Variants in ACSL1 observed in about 807,000 individuals in gnomAD.
The protein encoded by ACSL1 is long-chain-fatty-acid--CoA ligase 1.
In ACSL1, 41 loss-of-function variants were observed where a neutral mutation model predicts 98.4. The ratio of observed to expected loss-of-function variants is 0.42; its 90% CI spans 0.32 to 0.54. The LOEUF is 0.54. Among genes scored for constraint, ACSL1 ranks in the 20% least tolerant of loss-of-function variants. ACSL1 has a pLI of 0.13. For synonymous variants in ACSL1, 316 were observed against 322.7 expected (o/e 0.98, Z 0.22); for missense variants, 734 against 883.1 (o/e 0.83, Z 2.14).
At chr4:184,767,804 C>T (rs1027228330) in intron 12 of ACSL1, among the ~76,000 whole-genome samples, 27 of 152,336 alleles carry the variant, frequency 1.8e-4, no homozygotes, top group African/African-American at 6.5e-4. Context: ...GTGCGGTCCA[C>T]GCAATGATAC....
chr4:184,815,495 G>C lies in ACSL1; in HGVS notation c.-33+10421C>G, dbSNP rs114240391. Among the ~76,000 whole-genome samples the C allele has an allele frequency of 2.8e-3, 430 of 152,224 alleles. 3 individuals carry two copies. Among genetic ancestry groups the C allele is most frequent in the African/African-American group, 9.8e-3 (406 of 41,532 alleles). On this transcript the variant is annotated intron_variant, in intron 1 of 20. Transcript: ENST00000281455. Reference sequence around the variant, plus strand: ...CCCCTCCAGGACCCAGGCCTGGGGGGGGAAACTGGGAAGAGTAAGACCCAG... The same window carrying C: ...CCCCTCCAGGACCCAGGCCTGGGGGCGGAAACTGGGAAGAGTAAGACCCAG...
rs1476765083 is a variant in ACSL1, at chr4:184,772,119, C to T, written c.915+962G>A. On this transcript the variant is annotated intron_variant, in intron 10 of 20. Transcript: ENST00000281455. Reference sequence around the variant, plus strand: ...AACAAAGTTCTGTAATCATTTGCCTCAATGAGCCACCAATGCATTTTAAGT... The same window carrying T: ...AACAAAGTTCTGTAATCATTTGCCTTAATGAGCCACCAATGCATTTTAAGT... 4.6e-5 allele frequency among the ~76,000 whole-genome samples: 7 copies of T among 152,190 alleles called. 1 individual carries two copies. Among genetic ancestry groups the T allele is most frequent in the Admixed American group, 4.6e-4 (7 of 15,282 alleles).
rs1286415878 is a variant in ACSL1, at chr4:184,792,383, G to C, written c.196-3652C>G. On this transcript the variant is annotated intron_variant, in intron 2 of 20. Coordinates refer to ENST00000281455, the MANE Select transcript of ACSL1 (RefSeq NM_001995.5). The stretch of plus-strand genomic sequence containing the variant: ...GAAGGGGAAGGGCACAAAACATTAG[G>C]ATCTGTGCTTCAAAATCTGTGGCTC... Among the ~76,000 whole-genome samples the C allele has an allele frequency of 3.9e-5, 6 of 152,298 alleles. No individual in the cohort carries two copies. In the East Asian group the frequency reaches 7.7e-4, roughly 20 times the overall value.
chr4:184,818,246 T>C (rs914684884), intron 1 of ACSL1, among the ~76,000 whole-genome samples: 24 of 152,270 alleles, frequency 1.6e-4, no homozygotes, highest in African/African-American at 5.5e-4. Flanking sequence ...AAGGGGCAAT[T>C]TGAACACAAG....
In ACSL1 at chr4:184,766,004, T is replaced by TG. The variant is rs764989853; in HGVS notation, c.1264-19dup. Reference sequence around the variant, plus strand: ...AGGCTCGACTTTCAGGGAGGGAGAGTGGGAGAAGGTGAGGGTTACACACCT... The same window carrying TG: ...AGGCTCGACTTTCAGGGAGGGAGAGTGGGGAGAAGGTGAGGGTTACACACCT... On this transcript the variant is annotated intron_variant, in intron 13 of 20. Transcript: ENST00000281455. The surrounding 1 kb of genome is among the most constrained non-coding windows in gnomAD (Gnocchi z 4.8). The TG allele has an allele frequency of 4.3e-6, 7 of 1,611,378 alleles. No individual in the cohort carries two copies. The highest frequency in any genetic ancestry group is 5.1e-6 in the Non-Finnish European group (6 of 1,178,734).
At position 184,811,313 on chromosome 4, in the gene ACSL1, C is replaced by T. The variant is rs553426157; in HGVS notation, c.-32-7767G>A. On this transcript the variant is annotated intron_variant, in intron 1 of 20. Transcript: ENST00000281455. ...ATTTTTAGTAGAGACGGGGTTTCACCGTGTTGGCCAGGATGGTCTCGATCT... is the reference window on the plus strand; with the variant it reads ...ATTTTTAGTAGAGACGGGGTTTCACTGTGTTGGCCAGGATGGTCTCGATCT... 5.2e-3 allele frequency among the ~76,000 whole-genome samples: 786 copies of T among 152,044 alleles called. 5 individuals are homozygous for T. The highest frequency in any genetic ancestry group is 0.014 in the Middle Eastern group (4 of 294).
intron 5 of ACSL1, among the ~76,000 whole-genome samples, chr4:184,778,902 T>C (rs562001791): frequency 4.5e-4 from 69 of 152,118 alleles, no homozygotes; most frequent in South Asian, 2.5e-3. Context: ...TGTTTTCCCC[T>C]TGAAAGACCA....
chr4:184,791,476 AC>A (rs1378556465), intron 2 of ACSL1, among the ~76,000 whole-genome samples: 3 of 152,192 alleles, frequency 2.0e-5, no homozygotes, highest in Non-Finnish European at 4.4e-5. Context: ...AAAGCAAATC[AC>A]ACCAGACCTG....
chr4:184,783,993 T>TA lies in ACSL1; in HGVS notation c.311-3dup, dbSNP rs779942240. 3.1e-6 allele frequency: 5 copies of TA among 1,611,834 alleles called. No homozygotes were observed. Among genetic ancestry groups the TA allele is most frequent in the East Asian group, 4.5e-5 (2 of 44,854 alleles). ...GAGAGCCTAAACAAGGGCCATTATC[T>TA]AAAAAAAGAGAAAAAACAACAGATG... On this transcript the variant is annotated splice_polypyrimidine_tract_variant and splice_region_variant and intron_variant, in intron 3 of 20. Transcript: ENST00000281455.
rs1013304615 is a variant in ACSL1, at chr4:184,763,016, C to A, written c.1521+151G>T. On this transcript the variant is annotated intron_variant, in intron 16 of 20. Transcript: ENST00000281455. ...TCCCCGAGAGCTGAACATAAATGTA[C>A]CCTCAGAAAGAAGCCTGGCAGACTC... 1.4e-5 allele frequency: 10 copies of A among 736,660 alleles called. No individual in the cohort carries two copies. The African/African-American group carries it at 1.4e-4, about 11-fold the overall frequency. The allele number at this position is 736,660 out of a possible 1,614,324, so 45.6% of individuals were successfully genotyped here. A position where few individuals can be genotyped will look rare whatever the true frequency, so the allele number is the denominator to read the frequency against.
At chr4:184,817,443 T>C (rs1039394183) in intron 1 of ACSL1, among the ~76,000 whole-genome samples, 3 of 152,162 alleles carry the variant, frequency 2.0e-5, no homozygotes, top group African/African-American at 7.2e-5. Context: ...TCTATTCTAT[T>C]CTACAATCTA....
chr4:184,803,803 A>G lies in ACSL1; in HGVS notation c.-32-257T>C, dbSNP rs1220786596. Among the ~76,000 whole-genome samples, 1 of 152,190 alleles carries G rather than the reference A, an allele frequency of 6.6e-6. No individual in the cohort carries two copies. The highest frequency in any genetic ancestry group is 1.9e-4 in the East Asian group (1 of 5,204). On this transcript the variant is annotated intron_variant, in intron 1 of 20. Transcript: ENST00000281455. The surrounding 1 kb of genome is among the most constrained non-coding windows in gnomAD (Gnocchi z 4.8). Reference sequence around the variant, plus strand: ...CCATTCTCTTCCTTTCATTAACCATATTAAAAAGATTTTACTCAAGAAGAA... The same window carrying G: ...CCATTCTCTTCCTTTCATTAACCATGTTAAAAAGATTTTACTCAAGAAGAA...
intron 1 of ACSL1, among the ~76,000 whole-genome samples, chr4:184,822,870 T>C (rs2150506882): frequency 6.6e-6 from 1 of 152,384 alleles, no homozygotes. Flanking sequence ...AAATTTCTTA[T>C]GCATTGACAT....
At chr4:184,791,694 A>G (rs1354566520) in intron 2 of ACSL1, among the ~76,000 whole-genome samples, 1 of 152,130 alleles carries the variant, frequency 6.6e-6, no homozygotes, top group African/African-American at 2.4e-5. Flanking sequence ...GGGAGGGAAG[A>G]GACTGGGGAG....
chr4:184,809,408 ATATCT>A (rs573862701), intron 1 of ACSL1, among the ~76,000 whole-genome samples: 1 of 152,236 alleles, frequency 6.6e-6, no homozygotes, highest in Non-Finnish European at 1.5e-5. Flanking sequence ...GCAGGGTCAA[ATATCT>A]TATAGCAGTT....
intron 16 of ACSL1, among the ~76,000 whole-genome samples, 194 bp downstream of exon 16, chr4:184,762,973 A>C (rs1374903279): frequency 6.6e-6 from 1 of 152,216 alleles, no homozygotes; most frequent in Non-Finnish European, 1.5e-5. Context: ...GACAGGCATC[A>C]GTGTCCCTCC....
In ACSL1 at chr4:184,806,919, C is replaced by G. The variant is rs145082423; in HGVS notation, c.-32-3373G>C. Among the ~76,000 whole-genome samples the G allele has an allele frequency of 2.8e-3, 428 of 152,296 alleles. 3 individuals are homozygous for G. The highest frequency in any genetic ancestry group is 5.5e-3 in the Non-Finnish European group (375 of 68,024). On this transcript the variant is annotated intron_variant, in intron 1 of 20. Transcript: ENST00000281455. ...ATGCTATACATAGGAAAACTATAGTCTATGCATAAAGAACTAAGACAATAG... is the reference window on the plus strand; with the variant it reads ...ATGCTATACATAGGAAAACTATAGTGTATGCATAAAGAACTAAGACAATAG...
chr4:184,798,155 A>T (rs1457047235), intron 2 of ACSL1: 2 of 152,226 alleles, frequency 1.3e-5, no homozygotes, highest in Non-Finnish European at 2.9e-5. Flanking sequence ...ATATGAACCC[A>T]TGCTGGAACC....
intron 1 of ACSL1, chr4:184,815,064 A>G: frequency 2.2e-6 from 1 of 456,310 alleles, no homozygotes; most frequent in Non-Finnish European, 4.4e-6. Context: ...AAGAGTTAAC[A>G]GAGCTACAGA....
Sources: allele counts gnomAD v4.1 joint callset (sites outside exome capture counted in the v4.1 genomes callset), GRCh38; gene constraint gnomAD v4.1.1; non-coding constraint Gnocchi (gnomAD v3.1); transcripts MANE v1.5; gene names NCBI Gene and HGNC (gene_info 2026-07-23, HGNC 2026-07-21).